Variants in PARG observed in about 807,000 individuals in gnomAD.
PARG encodes mitochondrial poly(ADP-ribose) glycohydrolase.
Under a neutral mutation model 113.0 loss-of-function variants are expected in PARG, and 35 were observed. The ratio of observed to expected loss-of-function variants is 0.31; its 90% CI spans 0.24 to 0.41. PARG has a LOEUF of 0.41. Ranked by LOEUF, PARG falls within the 10% of genes least tolerant of loss-of-function variation. The probability of loss-of-function intolerance (pLI) is 1.00; values close to 1 mark genes in which losing one functional copy is unlikely to be tolerated. For missense variants in PARG, 797 were observed against 1,169.4 expected (o/e 0.68, Z 4.64); for synonymous variants, 330 against 409.9 (o/e 0.81, Z 2.36).
chr10:49,933,628 C>T lies in PARG; in HGVS notation c.820G>A (p.Gly274Arg). 6.2e-7 allele frequency: 1 copy of T among 1,609,790 alleles called. No individual in the cohort carries two copies. Among genetic ancestry groups the T allele is most frequent in the Non-Finnish European group, 8.5e-7 (1 of 1,176,172 alleles). ...GTCAATTTGTTGTCATTTTTTGGCC[C>T]AGTACCAACATCCTCAGAGCCAACA... The part of the protein sequence containing the change: ...SDVGSEDVGT[G>R]PKNDNKLTRQ... The change falls in exon 3 of 18, where the codon GGG becomes AGG. Residue 274 changes from glycine to arginine, a missense_variant. Around this residue, in one of 5 missense-constraint regions of PARG, gnomAD observed 284 missense variants for 306.1 expected, o/e 0.93. Coordinates refer to ENST00000616448, the MANE Select transcript of PARG (RefSeq NM_003631.5).
intron 15 of PARG, among the ~76,000 whole-genome samples, chr10:49,833,652 T>C (rs1395529372): frequency 6.6e-6 from 1 of 152,184 alleles, no homozygotes; most frequent in Admixed American, 6.6e-5. Flanking sequence ...GAGAAGACCA[T>C]TGTGTAAGAT....
intron 6 of PARG, among the ~76,000 whole-genome samples, chr10:49,916,531 T>C (rs1554847684): frequency 6.6e-6 from 1 of 152,038 alleles, no homozygotes; most frequent in Non-Finnish European, 1.5e-5. Flanking sequence ...AGTATTTTTA[T>C]ACTATATATA....
In PARG at chr10:49,858,300, T is replaced by C. The variant is rs369364362; in HGVS notation, c.2206-847A>G. 4.9e-3 allele frequency among the ~76,000 whole-genome samples: 677 copies of C among 138,300 alleles called. 1 individual carries two copies. Among genetic ancestry groups the C allele is most frequent in the African/African-American group, 0.014 (491 of 36,144 alleles). 90.7% of individuals were successfully genotyped at this position (138,300 alleles called of 152,430 possible). On this transcript the variant is annotated intron_variant, in intron 12 of 17. Transcript: ENST00000616448. ...AGTATGTAAGAAATAGCAACCATCT[T>C]TTCCTTAGTGAGACTATCTGAGGAG...
At chr10:49,908,191 A>G (rs1437068205) in intron 7 of PARG, among the ~76,000 whole-genome samples, 1 of 152,198 alleles carries the variant, frequency 6.6e-6, no homozygotes, top group African/African-American at 2.4e-5. Context: ...AAGTTTATAA[A>G]AGCAAAGTGC....
intron 7 of PARG, among the ~76,000 whole-genome samples, chr10:49,897,784 G>A (rs1447296253): frequency 3.3e-5 from 5 of 152,166 alleles, no homozygotes; most frequent in African/African-American, 1.2e-4. Context: ...AAAGCAGGTG[G>A]ATCACTTGAG....
intron 7 of PARG, among the ~76,000 whole-genome samples, chr10:49,900,773 T>C (rs1269688212): frequency 4.5e-4 from 69 of 151,756 alleles, no homozygotes; most frequent in African/African-American, 1.7e-3. Flanking sequence ...ATTTCTCACT[T>C]CTATTACTGT....
chr10:49,883,837 T>C (rs1235943943), intron 8 of PARG, among the ~76,000 whole-genome samples: 1 of 138,236 alleles, frequency 7.2e-6, no homozygotes, highest in Non-Finnish European at 1.6e-5. Context: ...GGTGGTCTAA[T>C]ACCCCTCCCC....
intron 8 of PARG, among the ~76,000 whole-genome samples, chr10:49,881,971 G>C (rs1489777547): frequency 6.6e-6 from 1 of 152,142 alleles, no homozygotes; most frequent in Non-Finnish European, 1.5e-5. Flanking sequence ...CAAGCAAAGT[G>C]CTGCTTGGTT....
At chr10:49,825,004 T>C (rs1453607768) in intron 16 of PARG, among the ~76,000 whole-genome samples, 1 of 152,108 alleles carries the variant, frequency 6.6e-6, no homozygotes, top group African/African-American at 2.4e-5. Context: ...TTTAAATGCA[T>C]GCTGTCAAGG....
At chr10:49,835,821 C>T (rs1262794164) in intron 15 of PARG, among the ~76,000 whole-genome samples, 3 of 151,896 alleles carry the variant, frequency 2.0e-5, no homozygotes, top group South Asian at 2.1e-4. Context: ...AGTTACGTGC[C>T]GCATAGTGAT....
intron 6 of PARG, among the ~76,000 whole-genome samples, chr10:49,919,623 A>G (rs1213429257): frequency 6.6e-6 from 1 of 152,156 alleles, no homozygotes; most frequent in Non-Finnish European, 1.5e-5. Flanking sequence ...GTTTGAGACC[A>G]GCATGGGTAA....
At chr10:49,909,613 AT>A (rs1470320026) in intron 7 of PARG, 2 of 164,082 alleles carry the variant, frequency 1.2e-5, no homozygotes, top group African/African-American at 4.8e-5. Context: ...AAAAGGAAGT[AT>A]GTCTGGAAGG....
chr10:49,902,761 C>T (rs188830904), intron 7 of PARG, among the ~76,000 whole-genome samples: 656 of 152,002 alleles, frequency 4.3e-3, no homozygotes, highest in East Asian at 0.017. Context: ...GAGGCCAAAG[C>T]GGGAGGATCG....
intron 16 of PARG, among the ~76,000 whole-genome samples, chr10:49,832,291 A>G (rs952276788): frequency 2.0e-5 from 3 of 152,162 alleles, no homozygotes; most frequent in Non-Finnish European, 4.4e-5. Context: ...GGCCTCCACT[A>G]CAGCACTCAT....
chr10:49,931,536 G>C (rs1487754818), intron 4 of PARG, among the ~76,000 whole-genome samples: 1 of 151,810 alleles, frequency 6.6e-6, no homozygotes, highest in Non-Finnish European at 1.5e-5. Context: ...CAGCACAAGA[G>C]GACAGCTTCA....
intron 7 of PARG, among the ~76,000 whole-genome samples, chr10:49,885,543 TG>T (rs1554840304): frequency 6.6e-6 from 1 of 152,016 alleles, no homozygotes; most frequent in Non-Finnish European, 1.5e-5. Flanking sequence ...TGAAAAAAAA[TG>T]TAAGTATCCC....
At chr10:49,899,264 T>C (rs181511928) in intron 7 of PARG, among the ~76,000 whole-genome samples, 1 of 152,278 alleles carries the variant, frequency 6.6e-6, no homozygotes, top group African/African-American at 2.4e-5. Context: ...AAATTAAAAG[T>C]ACAAAAACAT....
intron 15 of PARG, among the ~76,000 whole-genome samples, chr10:49,838,004 G>A (rs1845027877): frequency 6.6e-6 from 1 of 152,194 alleles, no homozygotes; most frequent in Non-Finnish European, 1.5e-5. Context: ...CAAAAGAAGA[G>A]TGATTCAGGC....
intron 7 of PARG, among the ~76,000 whole-genome samples, chr10:49,887,078 C>G (rs748068654): frequency 3.4e-5 from 5 of 147,320 alleles, no homozygotes; most frequent in Non-Finnish European, 7.4e-5. Context: ...GAAACAGGGT[C>G]TTGCTCTGTT....
Sources: gnomAD v4.1 joint callset for allele counts (sites outside exome capture counted in the v4.1 genomes callset) on GRCh38, gnomAD v4.1.1 for gene constraint, gnomAD v4.1.1 regional missense constraint, MANE v1.5 for transcripts, NCBI Gene and HGNC (gene_info 2026-07-23, HGNC 2026-07-21) for gene names.